The following FRA10AC1 variants were observed in gnomAD, a reference collection of about 807,000 sequenced individuals.
FRA10AC1 encodes the protein protein FRA10AC1.
FRA10AC1 carries 43 observed loss-of-function variants against 56.5 expected under a neutral mutation model. The observed-to-expected ratio is 0.76, with a 90% CI of 0.60 to 0.98. The LOEUF (loss-of-function observed/expected upper bound fraction) is 0.98, where lower values mean the gene tolerates loss of function less well. FRA10AC1 is among the 50% of genes least tolerant of loss of function. The pLI is 0.00. For synonymous variants in FRA10AC1, 112 were observed against 110.5 expected (o/e 1.01, Z -0.09); for missense variants, 346 against 351.8 (o/e 0.98, Z 0.13).
At chr10:93,680,319 T>G (rs756853594) in intron 11 of FRA10AC1, among the ~76,000 whole-genome samples, 6 of 152,192 alleles carry the variant, frequency 3.9e-5, no homozygotes, top group African/African-American at 1.4e-4. Flanking sequence ...GGTTAAAATT[T>G]ACCTTAGAGT....
intron 7 of FRA10AC1, among the ~76,000 whole-genome samples, chr10:93,688,189 G>A (rs981245263): frequency 2.0e-5 from 3 of 152,088 alleles, no homozygotes; most frequent in East Asian, 3.9e-4. Flanking sequence ...GTGGTAAGAA[G>A]AAATATCAAA....
chr10:93,671,409 T>C (rs943948287), intron 12 of FRA10AC1: 6 of 152,942 alleles, frequency 3.9e-5, no homozygotes, highest in Admixed American at 1.3e-4. Context: ...GTGAAAATTC[T>C]GTAAACCTTT....
At chr10:93,691,857 G>A (rs2059128887) in intron 7 of FRA10AC1, 152 bp downstream of exon 7, 2 of 760,722 alleles carry the variant, frequency 2.6e-6, no homozygotes, top group Non-Finnish European at 3.9e-6. Context: ...CAGCTGCAGA[G>A]GTTAAATGGT....
In FRA10AC1 at chr10:93,676,781, G is replaced by C. The variant is rs2058849688; in HGVS notation, c.788-90C>G. 4.9e-6 allele frequency: 7 copies of C among 1,430,812 alleles called. No individual in the cohort carries two copies. The South Asian group carries it at 8.9e-5, about 18-fold the overall frequency. 88.6% of individuals were successfully genotyped at this position (1,430,812 alleles called of 1,614,324 possible). A position where few individuals can be genotyped will look rare whatever the true frequency, so the allele number is the denominator to read the frequency against. Reference sequence around the variant, plus strand: ...AACCAGAATTCTTAGCAATATTCTAGTTTGCTTATAGTCTTACAGATAAGC... The same window carrying C: ...AACCAGAATTCTTAGCAATATTCTACTTTGCTTATAGTCTTACAGATAAGC... On this transcript the variant is annotated intron_variant, in intron 11 of 13. Coordinates refer to ENST00000359204, the MANE Select transcript of FRA10AC1 (RefSeq NM_145246.5).
At chr10:93,700,893 G>T (rs1355148305) in intron 1 of FRA10AC1, among the ~76,000 whole-genome samples, 1 of 151,994 alleles carries the variant, frequency 6.6e-6, no homozygotes, top group African/African-American at 2.4e-5. Context: ...GTGCTGTGGC[G>T]CCTTGATGGC....
chr10:93,689,223 G>C (rs560682128), intron 7 of FRA10AC1, among the ~76,000 whole-genome samples: 1 of 151,942 alleles, frequency 6.6e-6, no homozygotes, highest in African/African-American at 2.4e-5. Context: ...GCCTCCCAAA[G>C]TACTGGGATT....
chr10:93,695,058 CACACTAT>C, intron 4 of FRA10AC1, 121 bp from the exon 5 acceptor site: 3 of 625,774 alleles, frequency 4.8e-6, no homozygotes, highest in Non-Finnish European at 5.7e-6. Flanking sequence ...AAAATATTCA[CACACTAT>C]ACATGCTTAC....
At chr10:93,700,462 T>C (rs1186358406) in intron 1 of FRA10AC1, among the ~76,000 whole-genome samples, 1 of 152,236 alleles carries the variant, frequency 6.6e-6, no homozygotes, top group African/African-American at 2.4e-5. Context: ...TGTGTGTTTA[T>C]CACCAACTTT....
In FRA10AC1 at chr10:93,669,671, C is replaced by T. The variant is rs2058729946; in HGVS notation, c.*155G>A. The T allele has an allele frequency of 1.6e-6, 1 of 607,522 alleles. No individual in the cohort carries two copies. Among genetic ancestry groups the T allele is most frequent in the African/African-American group, 1.9e-5 (1 of 51,958 alleles). The allele number at this position is 607,522 out of a possible 1,614,324, so 37.6% of individuals were successfully genotyped here. On this transcript the variant is annotated 3_prime_UTR_variant, in exon 14 of 14. Transcript: ENST00000359204. The stretch of plus-strand genomic sequence containing the variant: ...AATTGAACTAATGAACTTCCAAAGC[C>T]TCTGACATTCTGAGAGAACCTGGAT...
intron 2 of FRA10AC1, among the ~76,000 whole-genome samples, chr10:93,699,210 T>C (rs2059287148): frequency 6.6e-6 from 1 of 152,202 alleles, no homozygotes; most frequent in Admixed American, 6.5e-5. Flanking sequence ...ATCTAGAAAA[T>C]GTAAAGCATC....
intron 2 of FRA10AC1, among the ~76,000 whole-genome samples, chr10:93,699,739 G>A (rs760909971): frequency 3.3e-5 from 5 of 152,174 alleles, no homozygotes; most frequent in Non-Finnish European, 5.9e-5. Context: ...CTTGACAGTT[G>A]AATGAAAAAT....
At chr10:93,700,239 A>T in intron 1 of FRA10AC1, 133 bp from the exon 2 acceptor site, 1 of 535,514 alleles carries the variant, frequency 1.9e-6, no homozygotes, top group Middle Eastern at 2.9e-4. Flanking sequence ...TCCTATTCAC[A>T]GGCCATCTAG....
chr10:93,701,507 C>A (rs1319468336), intron 1 of FRA10AC1, among the ~76,000 whole-genome samples: 2 of 152,000 alleles, frequency 1.3e-5, no homozygotes, highest in African/African-American at 4.8e-5. Flanking sequence ...TTTAAATAAC[C>A]TTTAAAGTCT....
chr10:93,695,040 G>C (rs961555077), intron 4 of FRA10AC1, 103 bp from the exon 5 acceptor site: 4 of 674,886 alleles, frequency 5.9e-6, no homozygotes, highest in Non-Finnish European at 7.9e-6. Context: ...AGTCTATTTA[G>C]CTTTTTAAAA....
intron 5 of FRA10AC1, among the ~76,000 whole-genome samples, chr10:93,693,640 C>CCATATATATAT (rs1170201136): frequency 5.1e-5 from 3 of 58,856 alleles, no homozygotes; most frequent in Non-Finnish European, 1.8e-4. Context: ...CATATATATA[C>CCATATATATAT]ACACCATATA....
At chr10:93,698,566 C>T (rs2059274611) in intron 2 of FRA10AC1, among the ~76,000 whole-genome samples, 170 bp from the exon 3 acceptor site, 1 of 121,854 alleles carries the variant, frequency 8.2e-6, no homozygotes, top group Non-Finnish European at 2.0e-5. Flanking sequence ...TAATTAATAC[C>T]TTAACATTAT....
chr10:93,698,587 A>G (rs985457981), intron 2 of FRA10AC1, among the ~76,000 whole-genome samples, 191 bp from the exon 3 acceptor site: 1 of 152,166 alleles, frequency 6.6e-6, no homozygotes, highest in African/African-American at 2.4e-5. Context: ...TTTAATACCT[A>G]TAACACGGGG....
At chr10:93,702,205 G>T (rs1274025412) in intron 1 of FRA10AC1, among the ~76,000 whole-genome samples, 170 bp downstream of exon 1, 1 of 151,140 alleles carries the variant, frequency 6.6e-6, no homozygotes, top group Non-Finnish European at 1.5e-5. Context: ...ACAAGAGCGG[G>T]GAGAAACTCA....
In FRA10AC1 at chr10:93,694,043, A is replaced by C. The variant is rs1028569864; in HGVS notation, c.296+818T>G. On this transcript the variant is annotated intron_variant, in intron 5 of 13. Transcript: ENST00000359204. Reference sequence around the variant, plus strand: ...TCACCACTAAAGAACTTATCCAGGCAACCAAAAACCACCTGTACCTCAAAA... The same window carrying C: ...TCACCACTAAAGAACTTATCCAGGCCACCAAAAACCACCTGTACCTCAAAA... 1.9e-4 allele frequency among the ~76,000 whole-genome samples: 29 copies of C among 152,214 alleles called. No individual in the cohort carries two copies. The South Asian group carries it at 2.7e-3, about 14-fold the overall frequency.
Sources: allele counts gnomAD v4.1 joint callset (sites outside exome capture counted in the v4.1 genomes callset), GRCh38; gene constraint gnomAD v4.1.1; transcripts MANE v1.5; gene names NCBI Gene and HGNC (gene_info 2026-07-23, HGNC 2026-07-21).